The following MACROD2 variants were observed in gnomAD, a reference collection of about 807,000 sequenced individuals.
MACROD2 encodes mono-ADP ribosylhydrolase 2, also known as ADP-ribose glycohydrolase MACROD2.
A neutral mutation model predicts 70.4 loss-of-function variants in MACROD2; 36 were observed. The ratio of observed to expected loss-of-function variants is 0.51; its 90% CI spans 0.39 to 0.68. The LOEUF is 0.68. Ranked by LOEUF, MACROD2 falls within the 30% of genes least tolerant of loss-of-function variation. The pLI, the probability that MACROD2 is intolerant of heterozygous loss-of-function variation, is 0.00. For synonymous variants in MACROD2, 172 were observed against 178.8 expected (o/e 0.96, Z 0.30); for missense variants, 496 against 538.4 (o/e 0.92, Z 0.78).
chr20:15,473,610 A>T (rs568893780), intron 7 of MACROD2, among the ~76,000 whole-genome samples: 14 of 152,290 alleles, frequency 9.2e-5, no homozygotes, highest in Admixed American at 8.5e-4. Flanking sequence ...TGAGCTGAGT[A>T]TTAAATTTAC....
At chr20:15,768,133 T>A (rs1223774825) in intron 8 of MACROD2, among the ~76,000 whole-genome samples, 5 of 149,098 alleles carry the variant, frequency 3.4e-5, no homozygotes, top group Non-Finnish European at 7.4e-5. Context: ...TTTGTGTGTA[T>A]GTGTCTGTGT....
intron 3 of MACROD2, among the ~76,000 whole-genome samples, chr20:14,283,701 T>G (rs2082324008): frequency 6.6e-6 from 1 of 152,174 alleles, no homozygotes; most frequent in Non-Finnish European, 1.5e-5. Context: ...GGTTTCACCA[T>G]GTTGGCCAGG....
At chr20:14,827,001 C>T (rs1488760567) in intron 5 of MACROD2, among the ~76,000 whole-genome samples, 2 of 152,090 alleles carry the variant, frequency 1.3e-5, no homozygotes, top group Non-Finnish European at 2.9e-5. Flanking sequence ...TATGAGAGCT[C>T]GGACTTAACA....
intron 5 of MACROD2, among the ~76,000 whole-genome samples, chr20:14,967,684 T>C (rs905313603): frequency 3.9e-5 from 6 of 152,206 alleles, no homozygotes; most frequent in African/African-American, 1.4e-4. Context: ...GCCTATTCCA[T>C]TTCTTATTTT....
chr20:15,196,507 C>A (rs1459327081), intron 5 of MACROD2, among the ~76,000 whole-genome samples: 3 of 152,056 alleles, frequency 2.0e-5, no homozygotes, highest in Non-Finnish European at 4.4e-5. Context: ...AAACCATAAT[C>A]CTTGGGATTA....
In MACROD2 at chr20:15,792,512, G is replaced by T. The variant is rs78180546; in HGVS notation, c.646-70233G>T. 2.5e-3 allele frequency among the ~76,000 whole-genome samples: 381 copies of T among 152,162 alleles called. 1 individual carries two copies. The highest frequency in any genetic ancestry group is 8.9e-3 in the African/African-American group (368 of 41,528). Reference sequence around the variant, plus strand: ...AATACACTTAACCCAAGGGAAAATGGACAAGTTGCTGAAAAAGAAATACAA... The same window carrying T: ...AATACACTTAACCCAAGGGAAAATGTACAAGTTGCTGAAAAAGAAATACAA... On this transcript the variant is annotated intron_variant, in intron 8 of 17. Coordinates refer to ENST00000684519, the MANE Select transcript of MACROD2 (RefSeq NM_001351661.2).
rs1211044994 is a variant in MACROD2, at chr20:14,930,937, G to A, written c.418+245978G>A. 3.3e-5 allele frequency among the ~76,000 whole-genome samples: 5 copies of A among 150,480 alleles called. No homozygotes were observed. The South Asian group carries it at 1.1e-3, about 32-fold the overall frequency. ...CCTAGCTTCCCAGGAGGCTGAGGCA[G>A]GAGGATCACTTGAGCCTAGGAATTC... On this transcript the variant is annotated intron_variant, in intron 5 of 17. Coordinates refer to ENST00000684519, the MANE Select transcript of MACROD2 (RefSeq NM_001351661.2).
intron 13 of MACROD2, among the ~76,000 whole-genome samples, chr20:15,972,167 C>T (rs1365112558): frequency 1.3e-5 from 2 of 151,398 alleles, no homozygotes; most frequent in Non-Finnish European, 2.9e-5. Flanking sequence ...AGAAGCTATC[C>T]AAATGAAAAC....
At chr20:14,657,008 C>T (rs936856114) in intron 4 of MACROD2, among the ~76,000 whole-genome samples, 1 of 152,166 alleles carries the variant, frequency 6.6e-6, no homozygotes, top group Non-Finnish European at 1.5e-5. Flanking sequence ...CTCTCTCCCA[C>T]ACATACCTAT....
chr20:15,531,022 T>C (rs1368230538), intron 8 of MACROD2, among the ~76,000 whole-genome samples: 2 of 148,584 alleles, frequency 1.3e-5, no homozygotes, highest in Non-Finnish European at 3.0e-5. Context: ...TTTTACAAAT[T>C]GCTGGAGTTG....
intron 8 of MACROD2, among the ~76,000 whole-genome samples, chr20:15,786,843 C>A (rs993381535): frequency 5.3e-5 from 8 of 152,116 alleles, no homozygotes; most frequent in Non-Finnish European, 8.8e-5. Flanking sequence ...ACATTTTAAA[C>A]CTTGACAATA....
Position 14,830,758 on chromosome 20 carries a change from C to T in MACROD2, c.418+145799C>T, listed in dbSNP as rs543988397. ...CCAAGGGAAGGGCTTATTTCACCTA[C>T]GTGATAGCACAGTTTGTACTCAGGC... On this transcript the variant is annotated intron_variant, in intron 5 of 17. Transcript: ENST00000684519. Among the ~76,000 whole-genome samples the T allele has an allele frequency of 1.8e-4, 28 of 152,248 alleles. No homozygotes were observed. The South Asian group carries it at 5.4e-3, about 29-fold the overall frequency.
At chr20:14,815,706 T>A (rs2072766106) in intron 5 of MACROD2, among the ~76,000 whole-genome samples, 1 of 152,120 alleles carries the variant, frequency 6.6e-6, no homozygotes, top group African/African-American at 2.4e-5. Flanking sequence ...AATGTTATTA[T>A]GTTATATATT....
intron 8 of MACROD2, among the ~76,000 whole-genome samples, chr20:15,648,007 A>G (rs970978993): frequency 4.6e-5 from 7 of 152,152 alleles, no homozygotes; most frequent in Admixed American, 1.3e-4. Flanking sequence ...TACAGGCATG[A>G]GCCACTGTGC....
rs112196557 is a variant in MACROD2 at position 13,995,552 on chromosome 20, G to A, written c.-212G>A. ...AGGTGCTGCTGTGGCGGCGTCCGCG[G>A]GGCTGAGGCGGGTGGGAGCCGGAGC... On this transcript the variant is annotated 5_prime_UTR_variant, in exon 1 of 18. Coordinates refer to ENST00000684519, the MANE Select transcript of MACROD2 (RefSeq NM_001351661.2). This position sits in a 1 kb window ranked among gnomAD's most constrained non-coding sequence, Gnocchi z 4.3. The A allele has an allele frequency of 7.0e-5, 45 of 646,944 alleles. 1 individual carries two copies. In the East Asian group the frequency reaches 1.0e-3, roughly 14 times the overall value. The allele number at this position is 646,944 out of a possible 1,614,324, so 40.1% of individuals were successfully genotyped here.
intron 5 of MACROD2, among the ~76,000 whole-genome samples, chr20:15,171,876 G>T (rs1251213634): frequency 6.6e-6 from 1 of 152,112 alleles, no homozygotes; most frequent in Non-Finnish European, 1.5e-5. Context: ...ACTGGACCAG[G>T]TCCCTTTATC....
At chr20:14,614,097 T>C (rs141254670) in intron 4 of MACROD2, among the ~76,000 whole-genome samples, 1 of 152,228 alleles carries the variant, frequency 6.6e-6, no homozygotes, top group African/African-American at 2.4e-5. Flanking sequence ...AGTGAGGAAG[T>C]AGAGTAGTTA....
At chr20:15,533,517 A>G (rs1233737) in intron 8 of MACROD2, among the ~76,000 whole-genome samples, 8,361 of 151,424 alleles carry the variant, frequency 0.055, 747 homozygotes, top group African/African-American at 0.19. Flanking sequence ...GAGATCATCT[A>G]TCCAACTTTC....
intron 8 of MACROD2, among the ~76,000 whole-genome samples, chr20:15,581,269 G>C (rs1187145035): frequency 6.6e-6 from 1 of 152,142 alleles, no homozygotes; most frequent in Non-Finnish European, 1.5e-5. Context: ...ATTTTTCACT[G>C]TCTCTGTTGA....
Sources: gnomAD v4.1 joint callset for allele counts (sites outside exome capture counted in the v4.1 genomes callset) on GRCh38, gnomAD v4.1.1 for gene constraint, Gnocchi (gnomAD v3.1) non-coding constraint, MANE v1.5 for transcripts, NCBI Gene and HGNC (gene_info 2026-07-23, HGNC 2026-07-21) for gene names.